The following BCAS3 variants were observed in gnomAD, a reference collection of about 807,000 sequenced individuals.
The protein encoded by BCAS3 is BCAS4/BCAS3 fusion.
A neutral mutation model predicts 116.1 loss-of-function variants in BCAS3; 53 were observed. The ratio of observed to expected loss-of-function variants is 0.46; its 90% CI spans 0.37 to 0.57. The LOEUF is 0.57. BCAS3 is among the 20% of genes least tolerant of loss of function. The pLI is 0.00. For missense variants in BCAS3, 917 were observed against 1,165.4 expected (o/e 0.79, Z 3.10); for synonymous variants, 391 against 408.2 (o/e 0.96, Z 0.51).
intron 6 of BCAS3, among the ~76,000 whole-genome samples, chr17:60,783,471 C>T (rs2046005164): frequency 6.6e-6 from 1 of 152,110 alleles, no homozygotes; most frequent in Non-Finnish European, 1.5e-5. Context: ...TCCCAAACTG[C>T]TGGGATTATA....
chr17:60,681,101 A>G (rs954831778), intron 2 of BCAS3, among the ~76,000 whole-genome samples: 7 of 152,162 alleles, frequency 4.6e-5, no homozygotes, highest in Non-Finnish European at 8.8e-5. Flanking sequence ...GCTACTCGGG[A>G]GGCTGAGATG....
intron 22 of BCAS3, among the ~76,000 whole-genome samples, chr17:61,334,681 A>AC (rs2056577745): frequency 6.6e-6 from 1 of 151,782 alleles, no homozygotes; most frequent in Non-Finnish European, 1.5e-5. Flanking sequence ...AAAAAAAAAA[A>AC]AAAAAAAACA....
rs1202068333 is a variant in BCAS3, at chr17:61,134,767, G to A, written c.2425+50203G>A. On this transcript the variant is annotated intron_variant, in intron 22 of 23. Coordinates refer to ENST00000407086, the MANE Select transcript of BCAS3 (RefSeq NM_017679.5). This position sits in a 1 kb window ranked among gnomAD's most constrained non-coding sequence, Gnocchi z 4.6. The stretch of plus-strand genomic sequence containing the variant: ...CATCAGTTTTTTGTTCCTAAGAAAA[G>A]TTAAGTAACATCTCCAAATCACAGA... 1.3e-5 allele frequency among the ~76,000 whole-genome samples: 2 copies of A among 152,100 alleles called. No individual in the cohort carries two copies. Among genetic ancestry groups the A allele is most frequent in the African/African-American group, 4.8e-5 (2 of 41,432 alleles).
intron 3 of BCAS3, among the ~76,000 whole-genome samples, chr17:60,688,443 G>A (rs1230060669): frequency 6.6e-6 from 1 of 151,958 alleles, no homozygotes; most frequent in East Asian, 1.9e-4. Context: ...GGGACTACAG[G>A]TGCATGCCAC....
At chr17:61,159,680 C>T (rs2078053136) in intron 22 of BCAS3, among the ~76,000 whole-genome samples, 1 of 152,116 alleles carries the variant, frequency 6.6e-6, no homozygotes, top group African/African-American at 2.4e-5. Flanking sequence ...AGAGGCAGAC[C>T]CTTTGTCTTT....
chr17:60,811,655 A>G (rs2048835839), intron 7 of BCAS3, among the ~76,000 whole-genome samples: 1 of 152,266 alleles, frequency 6.6e-6, no homozygotes, highest in South Asian at 2.1e-4. Flanking sequence ...GGAAAGGGTT[A>G]TAGCAATAAC....
intron 22 of BCAS3, among the ~76,000 whole-genome samples, chr17:61,322,830 C>CAGAGAGAGAGAGAGAGAGAGAG (rs1237128472): frequency 1.3e-5 from 1 of 75,434 alleles, no homozygotes; most frequent in African/African-American, 5.2e-5. Flanking sequence ...GAGAGAGAGA[C>CAGAGAGAGAGAGAGAGAGAGAG]AGAGAGAGAG....
chr17:61,148,198 A>T (rs1309863056), intron 22 of BCAS3, among the ~76,000 whole-genome samples: 3 of 152,144 alleles, frequency 2.0e-5, no homozygotes, highest in African/African-American at 7.2e-5. Context: ...AAGTTTTTGT[A>T]TTATTTCCAG....
chr17:60,968,608 C>T (rs548376480), intron 14 of BCAS3, among the ~76,000 whole-genome samples: 2 of 152,150 alleles, frequency 1.3e-5, no homozygotes, highest in African/African-American at 4.8e-5. Flanking sequence ...CCCAGGTTCA[C>T]CTTGGCTCTG....
intron 14 of BCAS3, among the ~76,000 whole-genome samples, chr17:60,976,483 G>A (rs1449877456): frequency 2.6e-5 from 4 of 151,000 alleles, no homozygotes; most frequent in African/African-American, 7.3e-5. Context: ...GGTGTTTCTC[G>A]GAGAGGGGGA....
rs2051846672 is a variant in BCAS3, at chr17:61,286,854, T to C, written c.2426-81473T>C. On this transcript the variant is annotated intron_variant, in intron 22 of 23. Coordinates refer to ENST00000407086, the MANE Select transcript of BCAS3 (RefSeq NM_017679.5). The surrounding 1 kb of genome is among the most constrained non-coding windows in gnomAD (Gnocchi z 4.8). ...AGAATGCTTTCTAGGACCTTTATAC[T>C]GCATTCATTCATTTATTCATTCACT... Among the ~76,000 whole-genome samples the C allele has an allele frequency of 2.0e-5, 3 of 152,212 alleles. No homozygotes were observed. The highest frequency in any genetic ancestry group is 4.4e-5 in the Non-Finnish European group (3 of 68,034).
rs538724186 is a variant in BCAS3 at position 61,354,349 on chromosome 17, C to T, written c.2426-13978C>T. On this transcript the variant is annotated intron_variant, in intron 22 of 23. Transcript: ENST00000407086. This position sits in a 1 kb window ranked among gnomAD's most constrained non-coding sequence, Gnocchi z 4.5. ...AAATATGTGAGATTTTCATGAGAGA[C>T]TTCCTGTTCCAGTGGACTCTTCCAC... is the stretch of plus-strand genomic sequence containing the variant. 2.0e-5 allele frequency: 3 copies of T among 152,312 alleles called. No homozygotes were observed. Among genetic ancestry groups the T allele is most frequent in the Non-Finnish European group, 4.4e-5 (3 of 68,038 alleles). 9.4% of individuals were successfully genotyped at this position (152,312 alleles called of 1,614,324 possible).
At chr17:61,055,622 T>C (rs553459902) in intron 19 of BCAS3, among the ~76,000 whole-genome samples, 4 of 152,286 alleles carry the variant, frequency 2.6e-5, no homozygotes, top group South Asian at 2.1e-4. Context: ...CATGAAACAA[T>C]GGGACGTCTG....
rs1353416307 is a variant in BCAS3, at chr17:61,211,882, T to A, written c.2425+127318T>A. 6.6e-6 allele frequency among the ~76,000 whole-genome samples: 1 copy of A among 152,208 alleles called. No homozygotes were observed. The highest frequency in any genetic ancestry group is 1.5e-5 in the Non-Finnish European group (1 of 68,036). ...GCAGGGCCTTAGCATAAAGTTAATATCGTCAAAGATCTGACTATAATCCAT... is the reference window on the plus strand; with the variant it reads ...GCAGGGCCTTAGCATAAAGTTAATAACGTCAAAGATCTGACTATAATCCAT... On this transcript the variant is annotated intron_variant, in intron 22 of 23. Transcript: ENST00000407086. The surrounding 1 kb of genome is among the most constrained non-coding windows in gnomAD (Gnocchi z 4.4).
Position 61,041,614 on chromosome 17 carries a change from C to A in BCAS3, c.2029+722C>A, listed in dbSNP as rs1600696480. 6.6e-6 allele frequency among the ~76,000 whole-genome samples: 1 copy of A among 152,026 alleles called. No individual in the cohort carries two copies. Among genetic ancestry groups the A allele is most frequent in the African/African-American group, 2.4e-5 (1 of 41,422 alleles). On this transcript the variant is annotated intron_variant, in intron 19 of 23. Coordinates refer to ENST00000407086, the MANE Select transcript of BCAS3 (RefSeq NM_017679.5). The surrounding 1 kb of genome is among the most constrained non-coding windows in gnomAD (Gnocchi z 4.7). ...TTTAAAGAAAATTCTTAAAAATCAA[C>A]ATTGACATGTTTTTAATGAAACTTT... is the stretch of plus-strand genomic sequence containing the variant.
chr17:61,003,102 T>C (rs1235852851), intron 15 of BCAS3, among the ~76,000 whole-genome samples: 1 of 151,754 alleles, frequency 6.6e-6, no homozygotes, highest in East Asian at 1.9e-4. Context: ...TTTGGGCCCT[T>C]TCCTGGAAAT....
At chr17:60,767,010 A>T (rs1297608440) in intron 6 of BCAS3, among the ~76,000 whole-genome samples, 4 of 152,226 alleles carry the variant, frequency 2.6e-5, no homozygotes, top group African/African-American at 9.6e-5. Flanking sequence ...AGAGCCAGGC[A>T]CGGGATATAA....
chr17:61,107,242 A>G (rs548251465), intron 22 of BCAS3, among the ~76,000 whole-genome samples: 28 of 152,012 alleles, frequency 1.8e-4, no homozygotes, highest in South Asian at 8.3e-4. Flanking sequence ...GTGCACCACC[A>G]CACCCGGCTA....
intron 6 of BCAS3, among the ~76,000 whole-genome samples, chr17:60,775,044 C>G (rs1456185166): frequency 6.6e-6 from 1 of 152,090 alleles, no homozygotes; most frequent in South Asian, 2.1e-4. Flanking sequence ...AGTAAAAGTC[C>G]TATGTGAGTT....
Sources: allele counts gnomAD v4.1 joint callset (sites outside exome capture counted in the v4.1 genomes callset), GRCh38; gene constraint gnomAD v4.1.1; non-coding constraint Gnocchi (gnomAD v3.1); transcripts MANE v1.5; gene names NCBI Gene and HGNC (gene_info 2026-07-23, HGNC 2026-07-21).